Variants in HECTD4 observed in about 807,000 individuals in gnomAD.
The protein encoded by HECTD4 is probable E3 ubiquitin-protein ligase HECTD4.
A neutral mutation model predicts 471.5 loss-of-function variants in HECTD4; 114 were observed. The observed-to-expected ratio is 0.24, with a 90% confidence interval of 0.21 to 0.28. The LOEUF (loss-of-function observed/expected upper bound fraction) is 0.28. Ranked by LOEUF, HECTD4 falls within the 10% of genes least tolerant of loss-of-function variation. The pLI, the probability that HECTD4 is intolerant of heterozygous loss-of-function variation, is 1.00. For missense variants in HECTD4, 3,866 were observed against 5,651.5 expected (o/e 0.68, Z 10.13); for synonymous variants, 2,012 against 2,256.0 (o/e 0.89, Z 3.07).
chr12:112,360,229 G>C (rs1170901001), intron 1 of HECTD4, among the ~76,000 whole-genome samples: 1 of 152,212 alleles, frequency 6.6e-6, no homozygotes, highest in Non-Finnish European at 1.5e-5. Context: ...TGGGGCAGGA[G>C]GATCGCTTGA....
chr12:112,210,417 T>C (rs2032728344), intron 49 of HECTD4, among the ~76,000 whole-genome samples, 165 bp from the exon 50 acceptor site: 1 of 152,192 alleles, frequency 6.6e-6, no homozygotes, highest in South Asian at 2.1e-4. Flanking sequence ...ACACCTGTGC[T>C]CAGAGCCCTG....
chr12:112,370,395 C>A (rs1019620410), intron 1 of HECTD4, among the ~76,000 whole-genome samples: 1 of 152,110 alleles, frequency 6.6e-6, no homozygotes, highest in African/African-American at 2.4e-5. Flanking sequence ...AACATGGCAA[C>A]AGGAAACTAA....
intron 20 of HECTD4, among the ~76,000 whole-genome samples, chr12:112,257,291 C>G (rs892307373): frequency 6.6e-6 from 1 of 152,176 alleles, no homozygotes; most frequent in African/African-American, 2.4e-5. Flanking sequence ...ATTGCAGGTG[C>G]TAAATAACTA....
At chr12:112,287,325 C>A (rs1422363541) in intron 7 of HECTD4, among the ~76,000 whole-genome samples, 1 of 152,144 alleles carries the variant, frequency 6.6e-6, no homozygotes, top group African/African-American at 2.4e-5. Flanking sequence ...ACTGGGCTAC[C>A]CAGATACGGC....
chr12:112,249,162 C>A (rs1409626058), intron 25 of HECTD4, among the ~76,000 whole-genome samples: 1 of 152,032 alleles, frequency 6.6e-6, no homozygotes, highest in South Asian at 2.1e-4. Flanking sequence ...TGAGACCAGA[C>A]TGGCCAACGT....
At chr12:112,304,549 C>A (rs958384774) in intron 7 of HECTD4, among the ~76,000 whole-genome samples, 4 of 152,044 alleles carry the variant, frequency 2.6e-5, no homozygotes, top group African/African-American at 4.8e-5. Flanking sequence ...CTTTTTAAAA[C>A]TCCTGGGCTC....
At chr12:112,291,088 C>T (rs1025801495) in intron 7 of HECTD4, among the ~76,000 whole-genome samples, 1 of 152,176 alleles carries the variant, frequency 6.6e-6, no homozygotes, top group Non-Finnish European at 1.5e-5. Flanking sequence ...TCACAAGGTG[C>T]ATTCTTTTAA....
chr12:112,377,632 A>C (rs1462945460), intron 1 of HECTD4, among the ~76,000 whole-genome samples: 2 of 152,136 alleles, frequency 1.3e-5, no homozygotes, highest in African/African-American at 4.8e-5. Flanking sequence ...GCACTTTGGG[A>C]GGCTAAGGAA....
At chr12:112,248,690 C>T (rs1434046531) in intron 25 of HECTD4, among the ~76,000 whole-genome samples, 178 bp from the exon 26 acceptor site, 1 of 152,214 alleles carries the variant, frequency 6.6e-6, no homozygotes. Flanking sequence ...AAGGGATCCT[C>T]CTGCCTCAGC....
Position 112,190,892 on chromosome 12 carries a change from G to A in HECTD4, c.9366C>T (p.Phe3122=), listed in dbSNP as rs904007481. The change falls in exon 60 of 76, where the codon TTC becomes TTT. Residue 3122 remains phenylalanine (F), a synonymous_variant. Transcript: ENST00000682272. ...LPLEFPLAMA[F]AEQLLSWKSE... Reference sequence around the variant, plus strand: ...ATTTCCAGGACAGCAGCTGCTCTGCGAAGGCCATAGCCAGTGGGAACTCCA... The same window carrying A: ...ATTTCCAGGACAGCAGCTGCTCTGCAAAGGCCATAGCCAGTGGGAACTCCA... The A allele has an allele frequency of 1.2e-5, 19 of 1,574,578 alleles. No individual in the cohort carries two copies. The highest frequency in any genetic ancestry group is 2.7e-5 in the African/African-American group (2 of 73,984).
chr12:112,280,594 G>A (rs907577024), intron 8 of HECTD4, among the ~76,000 whole-genome samples: 20 of 150,884 alleles, frequency 1.3e-4, no homozygotes, highest in African/African-American at 4.9e-4. Context: ...TAAGCTGCAA[G>A]CCCCCACCAA....
At chr12:112,305,495 C>T (rs776927860) in intron 7 of HECTD4, among the ~76,000 whole-genome samples, 10 of 152,164 alleles carry the variant, frequency 6.6e-5, no homozygotes, top group Admixed American at 3.3e-4. Context: ...ACGATTATCT[C>T]GTGCGCTTAT....
intron 1 of HECTD4, among the ~76,000 whole-genome samples, chr12:112,362,890 C>T (rs1284703430): frequency 2.0e-5 from 3 of 151,944 alleles, no homozygotes; most frequent in Non-Finnish European, 4.4e-5. Context: ...TTAGTAGAGA[C>T]GGGGTTCCAC....
intron 7 of HECTD4, among the ~76,000 whole-genome samples, chr12:112,290,328 TAATC>T (rs1041920814): frequency 1.5e-5 from 2 of 136,694 alleles, no homozygotes; most frequent in African/African-American, 5.5e-5. Context: ...TCAAAAAAAA[TAATC>T]AATCAATCAA....
At chr12:112,259,322 G>C (rs1284827089) in intron 18 of HECTD4, 57 bp from the exon 19 acceptor site, 26 of 1,563,732 alleles carry the variant, frequency 1.7e-5, no homozygotes, top group Admixed American at 1.8e-5. Context: ...ATGTGAAGAA[G>C]CACTAATGTC....
chr12:112,223,740 G>GA (rs1298204349), intron 44 of HECTD4, among the ~76,000 whole-genome samples: 1 of 151,936 alleles, frequency 6.6e-6, no homozygotes, highest in Non-Finnish European at 1.5e-5. Context: ...TTTTTTCAAG[G>GA]AAAAAAGTTT....
In HECTD4 at chr12:112,194,860, T is replaced by G; in HGVS notation, c.8749+25A>C. 6.3e-7 allele frequency: 1 copy of G among 1,590,648 alleles called. No homozygotes were observed. The highest frequency in any genetic ancestry group is 8.6e-7 in the Non-Finnish European group (1 of 1,168,132). ...GCCCGCCTGGTGCTAAGTTCCAGAG[T>G]GACAGCAGCAAAGCCAAGTTTTACC... On this transcript the variant is annotated intron_variant, in intron 56 of 75. Coordinates refer to ENST00000682272, the MANE Select transcript of HECTD4 (RefSeq NM_001388303.1). The surrounding 1 kb of genome is among the most constrained non-coding windows in gnomAD (Gnocchi z 4.6).
At chr12:112,176,756 T>C (rs1412610060) in intron 64 of HECTD4, 54 bp from the exon 65 acceptor site, 5 of 1,259,400 alleles carry the variant, frequency 4.0e-6, no homozygotes, top group Admixed American at 3.4e-5. Flanking sequence ...CTCCTCCCGA[T>C]AGGAAATACA....
intron 1 of HECTD4, among the ~76,000 whole-genome samples, chr12:112,378,288 A>G (rs1210766459): frequency 6.6e-6 from 1 of 151,938 alleles, no homozygotes. Context: ...ACGCGATCTC[A>G]GCTCACTGCA....
Sources: gnomAD v4.1 joint callset for allele counts (sites outside exome capture counted in the v4.1 genomes callset) on GRCh38, gnomAD v4.1.1 for gene constraint, Gnocchi (gnomAD v3.1) non-coding constraint, MANE v1.5 for transcripts, NCBI Gene and HGNC (gene_info 2026-07-23, HGNC 2026-07-21) for gene names.